Variants in NUDC observed in about 807,000 individuals in gnomAD.
The protein encoded by NUDC is nuclear distribution C, dynein complex regulator.
A neutral mutation model predicts 45.0 loss-of-function variants in NUDC; 14 were observed. The ratio of observed to expected loss-of-function variants is 0.31; its 90% CI spans 0.21 to 0.49. NUDC has a LOEUF of 0.49. NUDC is among the 20% of genes least tolerant of loss of function. NUDC has a pLI of 0.99. For synonymous variants in NUDC, 153 were observed against 156.7 expected, an observed-to-expected ratio of 0.98 and a Z score of 0.17; for missense variants, 323 against 426.2, an observed-to-expected ratio of 0.76 and a Z score of 2.13.
chr1:26,931,808 T>C (rs2082186326), intron 2 of NUDC, among the ~76,000 whole-genome samples: 1 of 150,476 alleles, frequency 6.6e-6, no homozygotes, highest in African/African-American at 2.4e-5. Flanking sequence ...TGCCTCAGCC[T>C]CCCAAGTAGC....
chr1:26,945,204 CTT>C (rs2082308700), intron 6 of NUDC, 184 bp from the exon 7 acceptor site: 1 of 642,672 alleles, frequency 1.6e-6, no homozygotes. Context: ...ATTTGTAACT[CTT>C]TGCCTCTGTG....
At chr1:26,900,456 A>C (rs771916047) in intron 1 of NUDC, 2 of 1,602,436 alleles carry the variant, frequency 1.2e-6, no homozygotes, top group African/African-American at 1.3e-5. Context: ...GGATTGTCAC[A>C]TGATCAGCTA....
intron 1 of NUDC, chr1:26,900,480 C>G (rs1292370081): frequency 3.9e-6 from 6 of 1,538,710 alleles, no homozygotes; most frequent in South Asian, 3.5e-5. Context: ...CCAAGTCTCG[C>G]GAGAACACCG....
chr1:26,945,478 G>T lies in NUDC; in HGVS notation c.825+5G>T. The T allele has an allele frequency of 6.2e-7, 1 of 1,613,994 alleles. No homozygotes were observed. Among genetic ancestry groups the T allele is most frequent in the Non-Finnish European group, 8.5e-7 (1 of 1,179,846 alleles). Reference sequence around the variant, plus strand: ...ATTAACCCTGAGAATTCCAAGGTGAGCCCTGGCTGGTTGGGGGAGCTTCAG... The same window carrying T: ...ATTAACCCTGAGAATTCCAAGGTGATCCCTGGCTGGTTGGGGGAGCTTCAG... On this transcript the variant is annotated splice_donor_5th_base_variant and intron_variant, in intron 7 of 8. Coordinates refer to ENST00000321265, the MANE Select transcript of NUDC (RefSeq NM_006600.4).
intron 2 of NUDC, among the ~76,000 whole-genome samples, chr1:26,910,046 C>A (rs1261631693): frequency 6.6e-6 from 1 of 152,248 alleles, no homozygotes; most frequent in Non-Finnish European, 1.5e-5. Context: ...AGACACAGGT[C>A]TGCCTACTTA....
intron 2 of NUDC, chr1:26,911,080 C>A (rs2082023545): frequency 2.1e-6 from 1 of 469,578 alleles, no homozygotes; most frequent in African/African-American, 2.0e-5. Context: ...GTACCCTTGT[C>A]CCTTCCCTTT....
chr1:26,924,001 C>G, intron 1 of NUDC, 88 bp from the exon 2 acceptor site: 6 of 1,183,930 alleles, frequency 5.1e-6, no homozygotes, highest in African/African-American at 1.5e-5. Context: ...GTCCCAAGTT[C>G]CCTCCTAGAC....
chr1:26,920,871 C>A (rs1352254977), upstream of NUDC, among the ~76,000 whole-genome samples: 2 of 151,616 alleles, frequency 1.3e-5, no homozygotes, highest in Non-Finnish European at 2.9e-5. Context: ...TCCAGGAGTT[C>A]AAGGCTGCCG....
chr1:26,902,150 C>T (rs1043882976), intron 1 of NUDC: 19 of 152,296 alleles, frequency 1.2e-4, no homozygotes, highest in South Asian at 2.1e-4. Context: ...GTGTATGCCC[C>T]TCTGGTTCAC....
At chr1:26,931,510 G>T (rs1204480328) in intron 2 of NUDC, among the ~76,000 whole-genome samples, 1 of 149,818 alleles carries the variant, frequency 6.7e-6, no homozygotes, top group African/African-American at 2.4e-5. Context: ...GTTGGGCACG[G>T]TGGCTCACAC....
intron 2 of NUDC, chr1:26,929,563 AG>A (rs1458805953): frequency 3.9e-5 from 8 of 204,408 alleles, no homozygotes; most frequent in Admixed American, 2.1e-4. Context: ...ATTTTATATA[AG>A]GGACTTGAGC....
chr1:26,925,739 T>TTTTTTA (rs2082126689), intron 2 of NUDC, among the ~76,000 whole-genome samples: 2 of 148,640 alleles, frequency 1.3e-5, no homozygotes, highest in Non-Finnish European at 3.0e-5. Context: ...TTTTTTTTTT[T>TTTTTTA]GAGACAGAGT....
Position 26,911,981 on chromosome 1 carries a change from C to T in NUDC, c.93+746C>T, listed in dbSNP as rs367827644. On this transcript the variant is annotated intron_variant, in intron 3 of 6. Coordinates refer to the NUDC transcript ENST00000435827. ...GGCCGTGAGGAGGACACGGGTCAGG[C>T]GGCCTTGGGCTGCTGGGCACCAGGG... 6.9e-5 allele frequency: 111 copies of T among 1,614,110 alleles called. No individual in the cohort carries two copies. The Middle Eastern group carries it at 9.9e-4, about 14-fold the overall frequency.
chr1:26,931,244 AT>A (rs1157816157), intron 2 of NUDC, among the ~76,000 whole-genome samples: 1 of 148,012 alleles, frequency 6.8e-6, no homozygotes, highest in African/African-American at 2.5e-5. Context: ...CGCCTGGCTA[AT>A]TTTTGTATTT....
chr1:26,901,204 T>A, intron 1 of NUDC, among the ~76,000 whole-genome samples: 1 of 152,108 alleles, frequency 6.6e-6, no homozygotes, highest in East Asian at 1.9e-4. Context: ...TCTCGCTCTG[T>A]CGCCCAGGCT....
rs1418116363 is a variant in NUDC, at chr1:26,924,142, A to T, written c.135A>T (p.Gly45=). 6.2e-7 allele frequency: 1 copy of T among 1,614,056 alleles called. No homozygotes were observed. Among genetic ancestry groups the T allele is most frequent in the Admixed American group, 1.7e-5 (1 of 59,996 alleles). Residue 45 remains glycine, a synonymous_variant, in exon 2 of 9, where the codon GGA becomes GGT. Coordinates refer to ENST00000321265, the MANE Select transcript of NUDC (RefSeq NM_006600.4). The part of the protein sequence containing the change: ...FLRRKTDFFI[G]GEEGMAEKLI... The stretch of plus-strand genomic sequence containing the variant: ...GACGCAAAACAGACTTTTTCATTGG[A>T]GGAGAAGAAGGGATGGCAGAGAAGG...
At chr1:26,941,420 C>T (rs2082275109) in intron 2 of NUDC, 37 bp from the exon 3 acceptor site, 4 of 1,604,976 alleles carry the variant, frequency 2.5e-6, no homozygotes, top group Non-Finnish European at 3.4e-6. Context: ...ACACTGTCCC[C>T]TGCTCTGATG....
chr1:26,915,835 G>A (rs1557668543), intron 3 of NUDC, among the ~76,000 whole-genome samples: 1 of 152,126 alleles, frequency 6.6e-6, no homozygotes, highest in Admixed American at 6.6e-5. Flanking sequence ...TTGATTATTA[G>A]TCTTAATCCT....
chr1:26,908,854 G>A (rs1262808675), intron 2 of NUDC, among the ~76,000 whole-genome samples: 1 of 152,046 alleles, frequency 6.6e-6, no homozygotes, highest in East Asian at 1.9e-4. Flanking sequence ...TGATTTTCGT[G>A]CCTCGGCCTC....
Sources: gnomAD v4.1 joint callset for allele counts (sites outside exome capture counted in the v4.1 genomes callset) on GRCh38, gnomAD v4.1.1 for gene constraint, MANE v1.5 for transcripts, NCBI Gene and HGNC (gene_info 2026-07-23, HGNC 2026-07-21) for gene names.